PHF20L1: variants seen among roughly 807,000 people sequenced by gnomAD.
PHF20L1 encodes PHD finger protein 20 like 1.
Under a neutral mutation model 125.5 loss-of-function variants are expected in PHF20L1, and 44 were observed. The ratio of observed to expected loss-of-function variants is 0.35; its 90% confidence interval spans 0.28 to 0.45. The LOEUF is 0.45. Ranked by LOEUF, PHF20L1 falls within the 20% of genes least tolerant of loss-of-function variation. The pLI, the probability that PHF20L1 is intolerant of heterozygous loss-of-function variation, is 1.00. For synonymous variants in PHF20L1, 380 were observed against 403.1 expected (o/e 0.94, Z 0.69); for missense variants, 1,012 against 1,217.2 (o/e 0.83, Z 2.51).
chr8:132,810,631 T>G (rs1834275872), intron 8 of PHF20L1: 1 of 155,596 alleles, frequency 6.4e-6, no homozygotes. Flanking sequence ...CAGAAAATCT[T>G]TTTTTATGTT....
At chr8:132,782,734 G>T (rs1039599327) in intron 2 of PHF20L1, among the ~76,000 whole-genome samples, 7 of 151,686 alleles carry the variant, frequency 4.6e-5, no homozygotes, top group Non-Finnish European at 7.4e-5. Context: ...GACTACAGGC[G>T]TATGCCATAG....
chr8:132,799,801 A>G (rs993916243), intron 6 of PHF20L1: 1 of 151,894 alleles, frequency 6.6e-6, no homozygotes, highest in Non-Finnish European at 1.5e-5. Flanking sequence ...GATTGTTTTA[A>G]ATTGCCTGGT....
intron 1 of PHF20L1, among the ~76,000 whole-genome samples, chr8:132,777,403 T>C (rs1325377646): frequency 6.6e-6 from 1 of 152,196 alleles, no homozygotes; most frequent in Non-Finnish European, 1.5e-5. Context: ...TCAGTAGTCC[T>C]ATTCCAGAAC....
Position 132,847,265 on chromosome 8 carries a change from GA to G in PHF20L1, c.*1345del, listed in dbSNP as rs1387656101. 12 of 152,678 alleles carry G rather than the reference GA, an allele frequency of 7.9e-5. No individual in the cohort carries two copies. The highest frequency in any genetic ancestry group is 1.3e-4 in the Non-Finnish European group (9 of 67,992). 9.5% of individuals were successfully genotyped at this position (152,678 alleles called of 1,614,324 possible). Reference sequence around the variant, plus strand: ...GACTATACGAATTGGTGGTTAACATGAAATGTTACCTTTTAACAGACTGTTT... The same window carrying G: ...GACTATACGAATTGGTGGTTAACATGAATGTTACCTTTTAACAGACTGTTT... On this transcript the variant is annotated 3_prime_UTR_variant, in exon 21 of 21. Transcript: ENST00000395386.
chr8:132,800,303 T>G (rs1214301119), intron 6 of PHF20L1, among the ~76,000 whole-genome samples: 2 of 151,746 alleles, frequency 1.3e-5, no homozygotes, highest in Non-Finnish European at 3.0e-5. Context: ...ATAAAACAAC[T>G]GAAATAATAT....
intron 15 of PHF20L1, among the ~76,000 whole-genome samples, chr8:132,832,959 G>A (rs765127548): frequency 6.6e-6 from 1 of 152,118 alleles, no homozygotes; most frequent in East Asian, 1.9e-4. Context: ...CACGTCAGCA[G>A]TGAAGGGAGC....
intron 17 of PHF20L1, 184 bp downstream of exon 17, chr8:132,837,995 G>T: frequency 1.9e-6 from 1 of 539,806 alleles, no homozygotes; most frequent in Non-Finnish European, 3.4e-6. Context: ...TAACTTGTAT[G>T]TATCAATTAG....
rs553769130 is a variant in PHF20L1 at position 132,827,083 on chromosome 8, C to T, written c.1744+1712C>T. 2.6e-5 allele frequency among the ~76,000 whole-genome samples: 4 copies of T among 151,372 alleles called. No homozygotes were observed. In the South Asian group the frequency reaches 8.3e-4, roughly 31 times the overall value. Reference sequence around the variant, plus strand: ...TCAAAATGGGGTTCAAAGCTTGAAACGGCTTTCCAGAGAGTCTTGAACATT... The same window carrying T: ...TCAAAATGGGGTTCAAAGCTTGAAATGGCTTTCCAGAGAGTCTTGAACATT... On this transcript the variant is annotated intron_variant, in intron 14 of 20. Transcript: ENST00000395386.
At chr8:132,804,059 C>T in intron 7 of PHF20L1, 27 bp downstream of exon 7, 2 of 1,408,464 alleles carry the variant, frequency 1.4e-6, no homozygotes, top group Non-Finnish European at 2.0e-6. Flanking sequence ...TACGTTAATT[C>T]CTTATGACAC....
At chr8:132,838,396 G>C (rs1490239983) in intron 17 of PHF20L1, 1 of 153,986 alleles carries the variant, frequency 6.5e-6, no homozygotes, top group Non-Finnish European at 1.4e-5. Context: ...TGGGGTCTTA[G>C]AACACTACCT....
chr8:132,812,831 A>G, intron 9 of PHF20L1: 1 of 981,028 alleles, frequency 1.0e-6, no homozygotes. Flanking sequence ...GTCACTCATG[A>G]CATAGATTGA....
intron 9 of PHF20L1, among the ~76,000 whole-genome samples, chr8:132,814,408 T>A (rs1176090953): frequency 2.6e-5 from 4 of 151,926 alleles, no homozygotes; most frequent in Admixed American, 6.6e-5. Flanking sequence ...TAATATATTT[T>A]AAAAAATGAA....
intron 8 of PHF20L1, chr8:132,809,679 G>A (rs1834143474): frequency 6.6e-6 from 1 of 152,176 alleles, no homozygotes; most frequent in East Asian, 1.9e-4. Flanking sequence ...TAAGTTGTCA[G>A]TTGTTAAACA....
At chr8:132,811,604 T>C (rs984935153) in intron 9 of PHF20L1, 2 of 982,348 alleles carry the variant, frequency 2.0e-6, no homozygotes, top group Non-Finnish European at 2.4e-6. Flanking sequence ...TTTTAATAAC[T>C]ACAAAAAAAG....
At chr8:132,824,932 A>T in intron 13 of PHF20L1, 1 of 936,938 alleles carries the variant, frequency 1.1e-6, no homozygotes, top group Admixed American at 2.5e-5. Context: ...GAGTCTCTTC[A>T]TTCAGGTCCT....
chr8:132,837,680 G>T, intron 16 of PHF20L1, 32 bp from the exon 17 acceptor site: 2 of 1,523,008 alleles, frequency 1.3e-6, no homozygotes, highest in South Asian at 2.2e-5. Context: ...AGTGAGGATC[G>T]GGTGACTGTA....
Position 132,794,420 on chromosome 8 carries a change from C to T in PHF20L1, c.94C>T (p.Arg32Ter). Residue 32 changes from arginine to a stop codon, truncating the protein, a stop_gained, in exon 3 of 21, where the codon CGA (arginine) becomes TGA (stop). Transcript: ENST00000395386. LOFTEE classifies it high-confidence loss of function. ...LDYLQKWYPS[R>*]IEKIDYEEGK... is the part of the protein sequence containing the mutation. ...ATTTTGATTTTTGAGGTATCCATCA[C>T]GAATTGAAAAAATTGACTATGAGGA... The T allele has an allele frequency of 1.9e-6, 3 of 1,602,754 alleles. No individual in the cohort carries two copies. Among genetic ancestry groups the T allele is most frequent in the Non-Finnish European group, 1.7e-6 (2 of 1,171,488 alleles).
intron 18 of PHF20L1, 174 bp from the exon 19 acceptor site, chr8:132,842,341 G>T: frequency 2.1e-6 from 1 of 482,476 alleles, no homozygotes; most frequent in East Asian, 3.1e-5. Context: ...CTTTAATTGA[G>T]AAGATTCAAA....
intron 12 of PHF20L1, among the ~76,000 whole-genome samples, chr8:132,819,223 A>G (rs1011961592): frequency 6.6e-6 from 1 of 151,940 alleles, no homozygotes; most frequent in African/African-American, 2.4e-5. Flanking sequence ...TTTCTGGGAA[A>G]GTAAAAGGTA....
Sources: allele counts gnomAD v4.1 joint callset (sites outside exome capture counted in the v4.1 genomes callset), GRCh38; gene constraint gnomAD v4.1.1; transcripts MANE v1.5; gene names NCBI Gene and HGNC (gene_info 2026-07-23, HGNC 2026-07-21).